GLRA2: variants seen among roughly 807,000 people sequenced by gnomAD.
GLRA2 encodes glycine receptor alpha 2.
In GLRA2, 11 loss-of-function variants were observed where a neutral mutation model predicts 31.6. That is an observed-to-expected ratio of 0.35 (90% CI 0.22 to 0.58). The LOEUF (loss-of-function observed/expected upper bound fraction) is 0.58, where lower values mean the gene tolerates loss of function less well. Ranked by LOEUF, GLRA2 falls within the 20% of genes least tolerant of loss-of-function variation. The pLI is 0.84. For missense variants in GLRA2, 212 were observed against 351.8 expected (o/e 0.60, Z 3.18); for synonymous variants, 132 against 134.0 (o/e 0.99, Z 0.10).
chrX:14,599,425 T>G (rs1231871986), intron 4 of GLRA2, among the ~76,000 whole-genome samples: 1 of 112,152 alleles, frequency 8.9e-6, no homozygotes, highest in Non-Finnish European at 1.9e-5. Flanking sequence ...AAATAGTTAA[T>G]TCTGTGAGAC....
At chrX:14,585,875 T>C (rs1231247720) in intron 4 of GLRA2, among the ~76,000 whole-genome samples, 4 of 112,199 alleles carry the variant, frequency 3.6e-5, no homozygotes, top group Non-Finnish European at 5.6e-5. Flanking sequence ...TATTTAATTA[T>C]GTAAGCATGT....
chrX:14,668,418 C>T (rs1271353163), intron 7 of GLRA2, among the ~76,000 whole-genome samples: 2 of 112,128 alleles, frequency 1.8e-5, no homozygotes, highest in Non-Finnish European at 3.8e-5. Flanking sequence ...CATTGGGGCC[C>T]ATTTTAGAAG....
intron 7 of GLRA2, among the ~76,000 whole-genome samples, chrX:14,666,664 T>C (rs1232813871): frequency 8.9e-6 from 1 of 112,085 alleles, no homozygotes; most frequent in Non-Finnish European, 1.9e-5. Flanking sequence ...AGTTAACATG[T>C]TTGAGCATTT....
intron 3 of GLRA2, 188 bp downstream of exon 3, chrX:14,574,588 G>A (rs368382456): frequency 7.2e-5 from 76 of 1,056,686 alleles, no homozygotes; most frequent in Non-Finnish European, 9.3e-5. Context: ...TGAAGCCATC[G>A]TGTGAAGGAA....
At chrX:14,577,466 T>G (rs1378183855) in intron 3 of GLRA2, among the ~76,000 whole-genome samples, 1 of 112,644 alleles carries the variant, frequency 8.9e-6, no homozygotes, top group Non-Finnish European at 1.9e-5. Context: ...CAGTCTTAAT[T>G]AGCTCAGGCT....
At chrX:14,485,787 A>G in the GLRA2 span, among the ~76,000 whole-genome samples, 1 of 111,371 alleles carries the variant, frequency 9.0e-6, no homozygotes, top group Admixed American at 9.5e-5. Flanking sequence ...ACAGCTGTCT[A>G]TTCTCAACAA....
chrX:14,690,327 G>A (rs765287663), intron 7 of GLRA2, among the ~76,000 whole-genome samples: 24 of 111,811 alleles, frequency 2.1e-4, no homozygotes, highest in Non-Finnish European at 4.1e-4. Flanking sequence ...TATTTATGGT[G>A]TATAACATGT....
chrX:14,483,028 A>C, the GLRA2 span, among the ~76,000 whole-genome samples: 1 of 111,756 alleles, frequency 8.9e-6, no homozygotes, highest in African/African-American at 3.2e-5. Context: ...ATTCTTCTTA[A>C]AACATTAGAA....
intron 4 of GLRA2, among the ~76,000 whole-genome samples, chrX:14,581,872 A>G (rs2090021030): frequency 9.1e-6 from 1 of 110,100 alleles, no homozygotes; most frequent in African/African-American, 3.3e-5. Flanking sequence ...ACCTGGTTCC[A>G]ATGTCAGCTT....
At chrX:14,459,348 C>T in the GLRA2 span, among the ~76,000 whole-genome samples, 1 of 111,114 alleles carries the variant, frequency 9.0e-6, no homozygotes, top group African/African-American at 3.3e-5. Context: ...ATTGACTTGG[C>T]AATGAGGGCT....
intron 8 of GLRA2, among the ~76,000 whole-genome samples, chrX:14,700,813 G>GT (rs969724055): frequency 2.2e-4 from 24 of 109,607 alleles, no homozygotes; most frequent in Admixed American, 3.9e-4. Context: ...TTTATTTAGT[G>GT]TTTTTTTTAA....
At chrX:14,608,939 A>G (rs1158883773) in intron 6 of GLRA2, 52 bp from the exon 7 acceptor site, 1 of 597,362 alleles carries the variant, frequency 1.7e-6, no homozygotes, top group Non-Finnish European at 2.8e-6. Context: ...GGATAATGGA[A>G]TTGGAAATAT....
chrX:14,635,174 T>G (rs975125501), intron 7 of GLRA2, among the ~76,000 whole-genome samples: 1 of 111,924 alleles, frequency 8.9e-6, no homozygotes, highest in Non-Finnish European at 1.9e-5. Context: ...AGAGGAAAGC[T>G]GCTAATAAAG....
the GLRA2 span, among the ~76,000 whole-genome samples, chrX:14,483,128 G>T: frequency 0.022 from 2,474 of 111,830 alleles, 87 homozygotes; most frequent in African/African-American, 0.076. Context: ...GTAATTTAAA[G>T]GTCTTTTTAC....
intron 7 of GLRA2, among the ~76,000 whole-genome samples, chrX:14,629,928 C>A (rs1482076101): frequency 9.0e-6 from 1 of 111,132 alleles, no homozygotes; most frequent in East Asian, 2.8e-4. Flanking sequence ...TATCATAAAC[C>A]CCACAGTTCA....
intron 8 of GLRA2, among the ~76,000 whole-genome samples, chrX:14,725,229 C>A (rs747326579): frequency 9.0e-6 from 1 of 111,546 alleles, no homozygotes; most frequent in South Asian, 3.8e-4. Context: ...CATGTCTATT[C>A]CCAAAGTACC....
In GLRA2 at chrX:14,698,635, G is replaced by A. The variant is rs1172766531; in HGVS notation, c.1080+7776G>A. Among the ~76,000 whole-genome samples, 6 of 85,470 alleles carry A rather than the reference G, an allele frequency of 7.0e-5. No individual in the cohort carries two copies. In the East Asian group the frequency reaches 1.2e-3, roughly 16 times the overall value. 74.2% of individuals were successfully genotyped at this position (85,470 alleles called of 115,157 possible). A position where few individuals can be genotyped will look rare whatever the true frequency, so the allele number is the denominator to read the frequency against. The stretch of plus-strand genomic sequence containing the variant: ...GGAGATTGCAGTGAGCTGAGATCAC[G>A]CCACTGTACTCCAGCCTGGGCGACA... On this transcript the variant is annotated intron_variant, in intron 8 of 8. Coordinates refer to ENST00000218075, the MANE Select transcript of GLRA2 (RefSeq NM_002063.4).
intron 7 of GLRA2, among the ~76,000 whole-genome samples, chrX:14,630,856 T>C (rs2090637636): frequency 9.5e-6 from 1 of 105,483 alleles, no homozygotes; most frequent in Non-Finnish European, 1.9e-5. Flanking sequence ...GTGCACAACG[T>C]GTGGGCGGTC....
At chrX:14,471,896 CAG>C in the GLRA2 span, among the ~76,000 whole-genome samples, 8 of 112,320 alleles carry the variant, frequency 7.1e-5, no homozygotes, top group Admixed American at 7.5e-4. Context: ...GTGATTAAAA[CAG>C]AGCTACATCT....
Sources: allele counts gnomAD v4.1 joint callset (sites outside exome capture counted in the v4.1 genomes callset), GRCh38; gene constraint gnomAD v4.1.1; transcripts MANE v1.5; gene names NCBI Gene and HGNC (gene_info 2026-07-23, HGNC 2026-07-21).